The following YLPM1 variants were observed in gnomAD, a reference collection of about 807,000 sequenced individuals.
The protein encoded by YLPM1 is YLP motif containing 1.
In YLPM1, 99 loss-of-function variants were observed where a neutral mutation model predicts 230.0. That is an observed-to-expected ratio of 0.43 (90% CI 0.37 to 0.51). The LOEUF (loss-of-function observed/expected upper bound fraction) is 0.51, where lower values mean the gene tolerates loss of function less well. Among genes scored for constraint, YLPM1 ranks in the 20% least tolerant of loss-of-function variants. The pLI, the probability that YLPM1 is intolerant of heterozygous loss-of-function variation, is 0.00. For missense variants in YLPM1, 2,592 were observed against 2,707.7 expected, an observed-to-expected ratio of 0.96 and a Z score of 0.95; for synonymous variants, 984 against 942.5, an observed-to-expected ratio of 1.04 and a Z score of -0.81.
At chr14:74,818,997 C>G (rs1252130038) in intron 16 of YLPM1, among the ~76,000 whole-genome samples, 2 of 152,096 alleles carry the variant, frequency 1.3e-5, no homozygotes. Context: ...TGTGTCACAT[C>G]AGGAGCCATA....
At chr14:74,793,593 T>C (rs1459896084) in intron 4 of YLPM1, among the ~76,000 whole-genome samples, 1 of 152,234 alleles carries the variant, frequency 6.6e-6, no homozygotes, top group East Asian at 1.9e-4. Flanking sequence ...TATTTATTTA[T>C]CTTTAGTTTT....
chr14:74,802,556 G>A lies in YLPM1; in HGVS notation c.4401G>A (p.Arg1467=), dbSNP rs145108252. The A allele has an allele frequency of 1.8e-4, 284 of 1,609,594 alleles. 3 individuals are homozygous for A. The African/African-American group carries it at 2.7e-3, about 15-fold the overall frequency. Residue 1467 remains arginine (R), a splice_region_variant and synonymous_variant, in exon 6 of 21, where the codon CGG becomes CGA. Transcript: ENST00000325680. ...LKAAQELKML[R]EQKEQLQKMK... is the part of the protein sequence containing the mutation. ...CTATGTCAATTTTATTTGTTTGCAG[G>A]GAACAGAAAGAACAGCTTCAAAAGA...
chr14:74,799,197 T>C lies in YLPM1; in HGVS notation c.3900T>C (p.Tyr1300=), dbSNP rs2091298371. 1.2e-6 allele frequency: 2 copies of C among 1,613,734 alleles called. No homozygotes were observed. Among genetic ancestry groups the C allele is most frequent in the African/African-American group, 2.7e-5 (2 of 74,870 alleles). Residue 1300 remains tyrosine (Y), a synonymous_variant, in exon 5 of 21, where the codon TAT becomes TAC. Coordinates refer to ENST00000325680, the MANE Select transcript of YLPM1 (RefSeq NM_019589.3). Reference sequence around the variant, plus strand: ...GGATTTCAAGACCTATGGATATGTATGATAGAAGTTTGGATAATGAGTGGG... The same window carrying C: ...GGATTTCAAGACCTATGGATATGTACGATAGAAGTTTGGATAATGAGTGGG... ...VDRISRPMDM[Y]DRSLDNEWDR... is the part of the protein sequence containing the mutation.
At chr14:74,796,750 CTT>C (rs755667903) in intron 4 of YLPM1, among the ~76,000 whole-genome samples, 38 of 126,932 alleles carry the variant, frequency 3.0e-4, no homozygotes, top group Non-Finnish European at 3.5e-4. Flanking sequence ...GCTACTGTTT[CTT>C]TTTTTTTTTT....
rs370909206 is a variant in YLPM1, at chr14:74,809,725, G to T, written c.4867G>T (p.Val1623Leu). Residue 1623 changes from valine (V) to leucine (L), a missense_variant, in exon 7 of 21, where the codon GTG (valine) becomes TTG (leucine). Val to Leu is a conservative substitution (Grantham distance 32). Transcript: ENST00000325680. ...CTCTTCCATTCCCCCTCCTGGCCCAGTGCCTATGGGTATGCCACCAATGTC... is the reference window on the plus strand; with the variant it reads ...CTCTTCCATTCCCCCTCCTGGCCCATTGCCTATGGGTATGCCACCAATGTC... ...VHSSIPPPGP[V>L]PMGMPPMSKP... 6.2e-7 allele frequency: 1 copy of T among 1,613,894 alleles called. No individual in the cohort carries two copies.
At chr14:74,803,525 T>C (rs1359600339) in intron 6 of YLPM1, among the ~76,000 whole-genome samples, 1 of 152,224 alleles carries the variant, frequency 6.6e-6, no homozygotes, top group Non-Finnish European at 1.5e-5. Context: ...TTGACATCAG[T>C]GACCACCATG....
chr14:74,811,688 A>G lies in YLPM1; in HGVS notation c.5297A>G (p.Tyr1766Cys), dbSNP rs1243495568. 17 of 1,612,424 alleles carry G rather than the reference A, an allele frequency of 1.1e-5. No individual in the cohort carries two copies. Among genetic ancestry groups the G allele is most frequent in the African/African-American group, 1.3e-5 (1 of 74,784 alleles). Residue 1766 changes from tyrosine (Y) to cysteine (C), a missense_variant, in exon 10 of 21, where the codon TAT (tyrosine) becomes TGT (cysteine). By Grantham distance (194) the Tyr-to-Cys change is radical. Around this residue, in one of 4 missense-constraint regions of YLPM1, gnomAD observed 403 missense variants for 426.7 expected, o/e 0.94. Transcript: ENST00000325680. Reference sequence around the variant, plus strand: ...AGAGGGGGTTTTGATAGGCCATCCTATGACCGGAAGTCTGACCGACCAGTC... The same window carrying G: ...AGAGGGGGTTTTGATAGGCCATCCTGTGACCGGAAGTCTGACCGACCAGTC... Reference protein sequence around the residue: ...SRRGGFDRPSYDRKSDRPVYE... With the variant: ...SRRGGFDRPSCDRKSDRPVYE...
At chr14:74,824,772 T>A (rs935463086) in intron 18 of YLPM1, among the ~76,000 whole-genome samples, 7 of 152,080 alleles carry the variant, frequency 4.6e-5, no homozygotes, top group African/African-American at 1.7e-4. Context: ...GAGGAGTAGA[T>A]ATATAATTCA....
chr14:74,788,476 T>C (rs1009002710), intron 4 of YLPM1, among the ~76,000 whole-genome samples: 3 of 152,204 alleles, frequency 2.0e-5, no homozygotes, highest in African/African-American at 4.8e-5. Flanking sequence ...CCACAAAATA[T>C]GTGATAAGAT....
rs1489164664 is a variant in YLPM1, at chr14:74,798,078, T to A, written c.2781T>A (p.Asn927Lys). 1.2e-6 allele frequency: 2 copies of A among 1,613,814 alleles called. No individual in the cohort carries two copies. Among genetic ancestry groups the A allele is most frequent in the Non-Finnish European group, 1.7e-6 (2 of 1,179,896 alleles). Residue 927 changes from asparagine (N) to lysine (K), a missense_variant, in exon 5 of 21, where the codon AAT (asparagine) becomes AAA (lysine). Coordinates refer to ENST00000325680, the MANE Select transcript of YLPM1 (RefSeq NM_019589.3). ...TAGAGCCCTCTAATTGGGACCAGAA[T>A]GTTCAAAGTATGGAGACTCAAATCG... The part of the protein sequence containing the change: ...GPVEPSNWDQ[N>K]VQSMETQIDK...
intron 17 of YLPM1, chr14:74,821,491 A>T (rs1411955604): frequency 6.1e-6 from 1 of 163,428 alleles, no homozygotes; most frequent in Admixed American, 6.4e-5. Flanking sequence ...ACATATGCAT[A>T]ATTGTCTCTT....
intron 1 of YLPM1, among the ~76,000 whole-genome samples, chr14:74,776,686 G>A (rs140651929): frequency 6.6e-6 from 1 of 152,304 alleles, no homozygotes; most frequent in African/African-American, 2.4e-5. Flanking sequence ...GCACACATGA[G>A]TCAGGGGACT....
intron 13 of YLPM1, 81 bp from the exon 14 acceptor site, chr14:74,816,850 C>G (rs1190333451): frequency 6.9e-7 from 1 of 1,456,830 alleles, no homozygotes; most frequent in Non-Finnish European, 9.1e-7. Flanking sequence ...AAAGTCATCT[C>G]TATCCAAATA....
intron 16 of YLPM1, among the ~76,000 whole-genome samples, chr14:74,819,668 A>G (rs942213684): frequency 6.6e-6 from 1 of 151,998 alleles, no homozygotes; most frequent in African/African-American, 2.4e-5. Context: ...CAACTCTTTC[A>G]CTAATGATTT....
chr14:74,809,438 G>A lies in YLPM1; in HGVS notation c.4580G>A (p.Arg1527Lys). Residue 1527 changes from arginine to lysine, a missense_variant, in exon 7 of 21, where the codon AGA (arginine) becomes AAA (lysine). This residue lies in a region of YLPM1 where 403 missense variants were observed against 426.7 expected (regional missense o/e 0.94). Coordinates refer to ENST00000325680, the MANE Select transcript of YLPM1 (RefSeq NM_019589.3). ...GGCAAACCACCAGGTTCAATTGTAA[G>A]ACCCTCTGCTCCACCAGCAAGATCA... The part of the protein sequence containing the change: ...PMGKPPGSIV[R>K]PSAPPARSSV... 1 of 1,605,768 alleles carries A rather than the reference G, an allele frequency of 6.2e-7. No homozygotes were observed. Among genetic ancestry groups the A allele is most frequent in the Non-Finnish European group, 8.5e-7 (1 of 1,175,658 alleles).
chr14:74,835,160 C>T lies in YLPM1; in HGVS notation c.6295-105C>T, dbSNP rs111357962. On this transcript the variant is annotated intron_variant, in intron 19 of 20. Coordinates refer to ENST00000325680, the MANE Select transcript of YLPM1 (RefSeq NM_019589.3). Reference sequence around the variant, plus strand: ...GTTAGTTTTTAATTTTTTAAACTTGCGGTTTCAAATGAGTCATTCTACCCC... The same window carrying T: ...GTTAGTTTTTAATTTTTTAAACTTGTGGTTTCAAATGAGTCATTCTACCCC... 1.4e-3 allele frequency: 1,939 copies of T among 1,386,522 alleles called. 23 individuals are homozygous for T. In the African/African-American group the frequency reaches 0.019, roughly 14 times the overall value. The allele number at this position is 1,386,522 out of a possible 1,614,324, so 85.9% of individuals were successfully genotyped here.
At chr14:74,781,219 C>A in intron 3 of YLPM1, 115 bp from the exon 4 acceptor site, 1 of 1,173,432 alleles carries the variant, frequency 8.5e-7, no homozygotes, top group Non-Finnish European at 1.2e-6. Context: ...CTCCCAAAGT[C>A]TTTAGTGTTC....
rs2287401 is a variant in YLPM1 at position 74,781,966 on chromosome 14, G to T, written c.1923G>T (p.Gly641=). 245,845 of 1,613,222 alleles carry T rather than the reference G, an allele frequency of 0.15. 20,374 individuals are homozygous for T. The highest frequency in any genetic ancestry group is 0.29 in the South Asian group (26,129 of 91,040). ...PGIPPPGVPQ[G]IPPQLTAAPV... is the part of the protein sequence containing the mutation. ...TACCTCCCCCTGGAGTTCCACAAGG[G>T]ATACCTCCTCAGTTAACAGCAGCCC... Residue 641 remains glycine (G), a synonymous_variant, in exon 4 of 21, where the codon GGG becomes GGT. Transcript: ENST00000325680.
At position 74,797,914 on chromosome 14, in the gene YLPM1, C is replaced by A. The variant is rs764652921; in HGVS notation, c.2617C>A (p.Gln873Lys). ...ACCATTAGCAGACACCAGTAGTAAC[C>A]AGCAGAAGAATTTTAAAATGCAATC... ...KEPLADTSSN[Q>K]QKNFKMQSAA... The change falls in exon 5 of 21, where the codon CAG becomes AAG. Residue 873 changes from glutamine to lysine, a missense_variant. Around this residue, in one of 4 missense-constraint regions of YLPM1, gnomAD observed 1,862 missense variants for 1,819.8 expected, o/e 1.02. Coordinates refer to ENST00000325680, the MANE Select transcript of YLPM1 (RefSeq NM_019589.3). 1.2e-6 allele frequency: 2 copies of A among 1,613,942 alleles called. No individual in the cohort carries two copies. Among genetic ancestry groups the A allele is most frequent in the African/African-American group, 2.7e-5 (2 of 75,028 alleles).
Sources: gnomAD v4.1 joint callset for allele counts (sites outside exome capture counted in the v4.1 genomes callset) on GRCh38, gnomAD v4.1.1 for gene constraint, gnomAD v4.1.1 regional missense constraint, MANE v1.5 for transcripts, NCBI Gene and HGNC (gene_info 2026-07-23, HGNC 2026-07-21) for gene names.